Variants in LPAR1 observed in about 807,000 individuals in gnomAD.
LPAR1 encodes LPA receptor 1.
In LPAR1, 5 loss-of-function variants were observed where a neutral mutation model predicts 23.8. The observed-to-expected ratio is 0.21, with a 90% CI of 0.11 to 0.44. LPAR1 has a LOEUF of 0.44. Among genes scored for constraint, LPAR1 ranks in the 20% least tolerant of loss-of-function variants. The probability of loss-of-function intolerance (pLI) is 0.99; values close to 1 mark genes in which losing one functional copy is unlikely to be tolerated. For synonymous variants in LPAR1, 160 were observed against 164.7 expected (o/e 0.97, Z 0.22); for missense variants, 311 against 482.8 (o/e 0.64, Z 3.33).
At chr9:111,022,930 GT>G (rs2097585622) in intron 2 of LPAR1, among the ~76,000 whole-genome samples, 1 of 151,874 alleles carries the variant, frequency 6.6e-6, no homozygotes, top group African/African-American at 2.4e-5. Flanking sequence ...GCGGGTGCCT[GT>G]AGTCCCAGCT....
Position 111,035,406 on chromosome 9 carries a change from T to C in LPAR1, c.-182+716A>G, listed in dbSNP as rs2097875386. ...CCAGCTAATGTTTCTATTTTTTTTATAGAGACAGAGTCTCACTATGTTGCC... is the reference window on the plus strand; with the variant it reads ...CCAGCTAATGTTTCTATTTTTTTTACAGAGACAGAGTCTCACTATGTTGCC... On this transcript the variant is annotated intron_variant, in intron 2 of 5. Coordinates refer to ENST00000683809, the MANE Select transcript of LPAR1 (RefSeq NM_001351411.2). 2.6e-5 allele frequency among the ~76,000 whole-genome samples: 4 copies of C among 152,106 alleles called. No homozygotes were observed. In the South Asian group the frequency reaches 8.3e-4, roughly 32 times the overall value.
chr9:110,987,698 C>T (rs2096815826), intron 2 of LPAR1, among the ~76,000 whole-genome samples: 1 of 150,712 alleles, frequency 6.6e-6, no homozygotes, highest in Admixed American at 6.6e-5. Flanking sequence ...ATAAAGTTGG[C>T]CCTCCATACC....
chr9:110,921,385 A>G (rs1462927047), intron 5 of LPAR1, among the ~76,000 whole-genome samples: 1 of 152,244 alleles, frequency 6.6e-6, no homozygotes, highest in Non-Finnish European at 1.5e-5. Flanking sequence ...CTCTGTTCCT[A>G]AAGACATTAA....
intron 2 of LPAR1, among the ~76,000 whole-genome samples, chr9:110,983,231 C>A (rs2096710376): frequency 6.6e-6 from 1 of 152,060 alleles, no homozygotes; most frequent in African/African-American, 2.4e-5. Flanking sequence ...GCAGCACTAT[C>A]TACAAGAGCC....
chr9:110,983,293 A>G (rs1391288691), intron 2 of LPAR1, among the ~76,000 whole-genome samples: 2 of 152,124 alleles, frequency 1.3e-5, no homozygotes, highest in African/African-American at 2.4e-5. Context: ...GACATAAACT[A>G]AATTGGTATA....
chr9:110,999,257 G>A, intron 2 of LPAR1: 1 of 258,782 alleles, frequency 3.9e-6, no homozygotes, highest in South Asian at 3.4e-5. Context: ...CCATTTATAA[G>A]AACCTGGGAG....
chr9:110,888,659 T>C (rs1473595836), intron 5 of LPAR1, among the ~76,000 whole-genome samples: 1 of 151,954 alleles, frequency 6.6e-6, no homozygotes, highest in African/African-American at 2.4e-5. Flanking sequence ...AGATACATTT[T>C]AGAGGGGAAT....
chr9:110,875,221 T>C lies in LPAR1; in HGVS notation c.*200A>G, dbSNP rs1200055446. Reference sequence around the variant, plus strand: ...CTTTCAGAAGGGATGGGGATCAAGATGAGGGTTGTCACATAAGCTAATTTT... The same window carrying C: ...CTTTCAGAAGGGATGGGGATCAAGACGAGGGTTGTCACATAAGCTAATTTT... On this transcript the variant is annotated 3_prime_UTR_variant, in exon 6 of 6. Coordinates refer to ENST00000683809, the MANE Select transcript of LPAR1 (RefSeq NM_001351411.2). The C allele has an allele frequency of 2.0e-6, 1 of 496,286 alleles. No individual in the cohort carries two copies. The highest frequency in any genetic ancestry group is 1.9e-5 in the African/African-American group (1 of 52,186). 30.7% of individuals were successfully genotyped at this position (496,286 alleles called of 1,614,324 possible). A position where few individuals can be genotyped will look rare whatever the true frequency, so the allele number is the denominator to read the frequency against.
At chr9:110,921,867 T>C (rs2093652763) in intron 5 of LPAR1, among the ~76,000 whole-genome samples, 1 of 152,196 alleles carries the variant, frequency 6.6e-6, no homozygotes, top group Non-Finnish European at 1.5e-5. Context: ...ATGGACGTAA[T>C]GCTCCCTGGA....
intron 5 of LPAR1, among the ~76,000 whole-genome samples, chr9:110,936,240 C>T (rs548480550): frequency 3.3e-5 from 5 of 152,332 alleles, no homozygotes; most frequent in African/African-American, 7.2e-5. Flanking sequence ...TGGCACTCAA[C>T]AACATGCTTG....
chr9:110,992,137 T>C (rs2096908572), intron 2 of LPAR1, among the ~76,000 whole-genome samples: 1 of 152,162 alleles, frequency 6.6e-6, no homozygotes, highest in South Asian at 2.1e-4. Context: ...GAGAAAATAC[T>C]TTCAAAGTAT....
At chr9:110,999,080 T>A (rs1430231554) in intron 2 of LPAR1, among the ~76,000 whole-genome samples, 2 of 152,134 alleles carry the variant, frequency 1.3e-5, no homozygotes, top group African/African-American at 4.8e-5. Flanking sequence ...TTTATTAAGA[T>A]CAAAAGCTGT....
At chr9:110,918,362 G>A (rs1001103313) in intron 5 of LPAR1, among the ~76,000 whole-genome samples, 3 of 152,090 alleles carry the variant, frequency 2.0e-5, no homozygotes, top group African/African-American at 7.2e-5. Flanking sequence ...ATACCAAAAA[G>A]AAAATAAATT....
chr9:110,931,593 G>A (rs1588394779), intron 5 of LPAR1, among the ~76,000 whole-genome samples: 1 of 152,180 alleles, frequency 6.6e-6, no homozygotes, highest in Non-Finnish European at 1.5e-5. Flanking sequence ...TGAAGTCCTT[G>A]CCCATGCCTA....
chr9:111,028,331 C>G (rs938389444), intron 2 of LPAR1, among the ~76,000 whole-genome samples: 24 of 152,086 alleles, frequency 1.6e-4, no homozygotes, highest in African/African-American at 5.8e-4. Flanking sequence ...GATCTGCCCA[C>G]CTTGGCCTCC....
chr9:110,902,741 CA>C (rs944256052), intron 5 of LPAR1, among the ~76,000 whole-genome samples: 9 of 151,906 alleles, frequency 5.9e-5, no homozygotes, highest in African/African-American at 1.2e-4. Flanking sequence ...GATCCTGCCA[CA>C]AAAAAAGGCT....
chr9:110,974,537 C>T (rs553779686), intron 2 of LPAR1, among the ~76,000 whole-genome samples: 4 of 152,314 alleles, frequency 2.6e-5, no homozygotes, highest in East Asian at 1.9e-4. Context: ...ATCCTTGATA[C>T]TACAGTTTCA....
intron 2 of LPAR1, among the ~76,000 whole-genome samples, chr9:111,015,393 A>G (rs983564120): frequency 1.3e-5 from 2 of 152,004 alleles, no homozygotes; most frequent in Non-Finnish European, 2.9e-5. Flanking sequence ...TTTCGTATCT[A>G]CCTTCTTCCC....
At chr9:110,890,750 T>A (rs1321377354) in intron 5 of LPAR1, among the ~76,000 whole-genome samples, 4 of 152,262 alleles carry the variant, frequency 2.6e-5, no homozygotes, top group Admixed American at 2.6e-4. Context: ...AGCAGAATGC[T>A]ATGATCCAAC....
Sources: gnomAD v4.1 joint callset for allele counts (sites outside exome capture counted in the v4.1 genomes callset) on GRCh38, gnomAD v4.1.1 for gene constraint, MANE v1.5 for transcripts, NCBI Gene and HGNC (gene_info 2026-07-23, HGNC 2026-07-21) for gene names.